Variants in TMEM123 observed in about 807,000 individuals in gnomAD.
TMEM123 encodes the protein transmembrane protein 123, also known as porimin.
In TMEM123, 16 loss-of-function variants were observed where a neutral mutation model predicts 19.7. The observed-to-expected ratio is 0.81, with a 90% CI of 0.55 to 1.23. The LOEUF (loss-of-function observed/expected upper bound fraction) is 1.23. Among genes scored for constraint, TMEM123 ranks in the 50% most tolerant of loss-of-function variants. The pLI is 0.00. For synonymous variants in TMEM123, 118 were observed against 99.4 expected, an observed-to-expected ratio of 1.19 and a Z score of -1.12; for missense variants, 313 against 257.8, an observed-to-expected ratio of 1.21 and a Z score of -1.47.
chr11:102,451,342 C>T (rs1377866145), intron 1 of TMEM123: 2 of 151,594 alleles, frequency 1.3e-5, no homozygotes, highest in African/African-American at 4.8e-5. Flanking sequence ...CATGATTTTA[C>T]CACTTTTTTT....
Position 102,401,960 on chromosome 11 carries a change from A to G in TMEM123, c.404T>C (p.Val135Ala), listed in dbSNP as rs990121774. The G allele has an allele frequency of 1.9e-6, 3 of 1,614,084 alleles. No homozygotes were observed. The highest frequency in any genetic ancestry group is 3.3e-5 in the Admixed American group (2 of 60,008). The stretch of plus-strand genomic sequence containing the variant: ...AGATGTCACTGAACTATTGTGGGTT[A>G]CGGTCATTGTGGATGTTGATATCTG... ...TSQISTSTMTVTHNSSVTSAA... is the reference protein window; with the variant it reads ...TSQISTSTMTATHNSSVTSAA... Residue 135 changes from valine to alanine, a missense_variant, in exon 3 of 5, where the codon GTA becomes GCA. By Grantham distance (64) the Val-to-Ala change is moderately conservative. Transcript: ENST00000398136.
intron 2 of TMEM123, among the ~76,000 whole-genome samples, chr11:102,431,540 C>T (rs1451147924): frequency 6.6e-6 from 1 of 152,194 alleles, no homozygotes; most frequent in Non-Finnish European, 1.5e-5. Flanking sequence ...ATCATCTCCC[C>T]TTTTTCCCCA....
chr11:102,434,229 T>C (rs1186056023), intron 2 of TMEM123, among the ~76,000 whole-genome samples: 3 of 151,948 alleles, frequency 2.0e-5, no homozygotes, highest in Admixed American at 1.3e-4. Context: ...AGGGTCCCCC[T>C]TGTCCACATC....
Position 102,401,927 on chromosome 11 carries a change from G to A in TMEM123, c.437C>T (p.Ser146Leu), listed in dbSNP as rs1305691664. The part of the protein sequence containing the change: ...THNSSVTSAA[S>L]SVTITTTMHS... ...GCTTTAATACATACTTGTTACTGAT[G>A]AAGCAGCAGATGTCACTGAACTATT... is the stretch of plus-strand genomic sequence containing the variant. Residue 146 changes from serine to leucine, a missense_variant, in exon 3 of 5, where the codon TCA (serine) becomes TTA (leucine). Ser to Leu is a moderately radical substitution (Grantham distance 145, BLOSUM62 -2). Coordinates refer to ENST00000398136, the MANE Select transcript of TMEM123 (RefSeq NM_052932.3). The A allele has an allele frequency of 1.9e-6, 3 of 1,613,742 alleles. No homozygotes were observed. Among genetic ancestry groups the A allele is most frequent in the Non-Finnish European group, 2.5e-6 (3 of 1,179,674 alleles).
intron 2 of TMEM123, among the ~76,000 whole-genome samples, chr11:102,432,679 A>G (rs1857724148): frequency 6.6e-6 from 1 of 152,236 alleles, no homozygotes; most frequent in Non-Finnish European, 1.5e-5. Context: ...CAATGGGGAA[A>G]ATGTCTCCAG....
At chr11:102,452,482 TGCC>T (rs1857952822) in intron 1 of TMEM123, 39 bp downstream of exon 1, 2 of 1,396,766 alleles carry the variant, frequency 1.4e-6, no homozygotes, top group Non-Finnish European at 1.9e-6. Flanking sequence ...GGCAGCGCGC[TGCC>T]TCCCACGAAC....
At chr11:102,432,273 AACTTCCTAGAG>A (rs1199210753) in intron 2 of TMEM123, among the ~76,000 whole-genome samples, 1 of 151,686 alleles carries the variant, frequency 6.6e-6, no homozygotes, top group Non-Finnish European at 1.5e-5. Context: ...GAAAGTTTGG[AACTTCCTAGAG>A]ACTTGTTGAA....
intron 2 of TMEM123, among the ~76,000 whole-genome samples, chr11:102,430,577 C>T (rs1857686486): frequency 6.6e-6 from 1 of 152,182 alleles, no homozygotes; most frequent in Non-Finnish European, 1.5e-5. Flanking sequence ...AAAGGAAGAG[C>T]TCTTCAGGTA....
At chr11:102,404,228 C>CCTAT (rs1258957759) in intron 2 of TMEM123, among the ~76,000 whole-genome samples, 3 of 152,164 alleles carry the variant, frequency 2.0e-5, no homozygotes, top group African/African-American at 4.8e-5. Context: ...CATATATTAT[C>CCTAT]CTATCTTCCA....
At chr11:102,445,067 T>A (rs906994680) in intron 2 of TMEM123, among the ~76,000 whole-genome samples, 1 of 151,980 alleles carries the variant, frequency 6.6e-6, no homozygotes, top group African/African-American at 2.4e-5. Context: ...TAATACCTAA[T>A]GTAAATGATG....
intron 2 of TMEM123, among the ~76,000 whole-genome samples, chr11:102,442,367 C>T (rs1414536568): frequency 6.6e-6 from 1 of 152,214 alleles, no homozygotes; most frequent in Admixed American, 6.5e-5. Context: ...TTGGCTTCAT[C>T]CCTGGGATGC....
intron 2 of TMEM123, among the ~76,000 whole-genome samples, chr11:102,402,566 G>A (rs1034127033): frequency 2.6e-5 from 4 of 152,164 alleles, no homozygotes; most frequent in African/African-American, 9.7e-5. Context: ...ACAAATATCT[G>A]TTGAATGGAT....
intron 2 of TMEM123, among the ~76,000 whole-genome samples, chr11:102,446,602 C>A (rs1304900844): frequency 6.6e-6 from 1 of 152,158 alleles, no homozygotes; most frequent in Non-Finnish European, 1.5e-5. Context: ...TGAGTTCAAC[C>A]AACCAAAAAC....
intron 2 of TMEM123, among the ~76,000 whole-genome samples, chr11:102,447,930 A>G (rs971047676): frequency 1.4e-4 from 21 of 152,246 alleles, no homozygotes; most frequent in African/African-American, 5.1e-4. Flanking sequence ...GCATGAAGGT[A>G]CTTACTGCCA....
chr11:102,434,378 T>C (rs1439601937), intron 2 of TMEM123, among the ~76,000 whole-genome samples: 1 of 151,966 alleles, frequency 6.6e-6, no homozygotes, highest in Non-Finnish European at 1.5e-5. Flanking sequence ...CTATTGGCTA[T>C]CTGTATGTCT....
intron 2 of TMEM123, among the ~76,000 whole-genome samples, chr11:102,411,450 A>G (rs1565348955): frequency 6.6e-6 from 1 of 152,164 alleles, no homozygotes; most frequent in Non-Finnish European, 1.5e-5. Context: ...GAGTTCTGGG[A>G]GCCATTCTAG....
chr11:102,428,128 G>A (rs1181110586), intron 2 of TMEM123, among the ~76,000 whole-genome samples: 1 of 151,788 alleles, frequency 6.6e-6, no homozygotes, highest in Non-Finnish European at 1.5e-5. Context: ...TGAGTCTATC[G>A]TTATTTACTA....
rs528174819 is a variant in TMEM123, at chr11:102,403,298, C to T, written c.158-1092G>A. Reference sequence around the variant, plus strand: ...GTGCTGGGATCACAGGCATGAGCCACCGTGCCCGGCCAATACTCCTTAAAA... The same window carrying T: ...GTGCTGGGATCACAGGCATGAGCCATCGTGCCCGGCCAATACTCCTTAAAA... On this transcript the variant is annotated intron_variant, in intron 2 of 4. Coordinates refer to ENST00000398136, the MANE Select transcript of TMEM123 (RefSeq NM_052932.3). Among the ~76,000 whole-genome samples the T allele has an allele frequency of 3.3e-5, 5 of 152,348 alleles. No individual in the cohort carries two copies. The South Asian group carries it at 8.3e-4, about 25-fold the overall frequency.
At chr11:102,403,622 A>G (rs1404306560) in intron 2 of TMEM123, among the ~76,000 whole-genome samples, 1 of 152,072 alleles carries the variant, frequency 6.6e-6, no homozygotes, top group East Asian at 1.9e-4. Flanking sequence ...GCCTACTGCT[A>G]TGGTTTGGAT....
Sources: gnomAD v4.1 joint callset for allele counts (sites outside exome capture counted in the v4.1 genomes callset) on GRCh38, gnomAD v4.1.1 for gene constraint, MANE v1.5 for transcripts, NCBI Gene and HGNC (gene_info 2026-07-23, HGNC 2026-07-21) for gene names.